NCAM1: variants seen among roughly 807,000 people sequenced by gnomAD.
The protein encoded by NCAM1 is neural cell adhesion molecule 1, also known as antigen recognized by monoclonal antibody 5.1H11.
A neutral mutation model predicts 109.8 loss-of-function variants in NCAM1; 14 were observed. That is an observed-to-expected ratio of 0.13 (90% CI 0.08 to 0.20). The LOEUF is 0.20. Among genes scored for constraint, NCAM1 ranks in the 10% least tolerant of loss-of-function variants. The probability of loss-of-function intolerance (pLI) is 1.00; values close to 1 mark genes in which losing one functional copy is unlikely to be tolerated. For synonymous variants in NCAM1, 418 were observed against 442.9 expected, an observed-to-expected ratio of 0.94 and a Z score of 0.70; for missense variants, 774 against 1,109.9, an observed-to-expected ratio of 0.70 and a Z score of 4.30.
intron 1 of NCAM1, among the ~76,000 whole-genome samples, chr11:112,980,559 G>C (rs1951125954): frequency 6.6e-6 from 1 of 151,818 alleles, no homozygotes; most frequent in Non-Finnish European, 1.5e-5. Flanking sequence ...TTAGTAATGT[G>C]AGCTCCTTAA....
chr11:113,069,153 G>A lies in NCAM1; in HGVS notation c.52+107489G>A, dbSNP rs375651217. 1.1e-4 allele frequency among the ~76,000 whole-genome samples: 17 copies of A among 152,300 alleles called. No homozygotes were observed. In the East Asian group the frequency reaches 3.3e-3, roughly 29 times the overall value. On this transcript the variant is annotated intron_variant, in intron 1 of 19. Coordinates refer to ENST00000316851, the MANE Select transcript of NCAM1 (RefSeq NM_181351.5). The stretch of plus-strand genomic sequence containing the variant: ...ACCTTGTGGAGCTGATCCTGAGTGT[G>A]AATGATCAGAGTACAGTGGAGGGAA...
chr11:113,256,479 C>T (rs1945838086), intron 16 of NCAM1, among the ~76,000 whole-genome samples: 2 of 152,154 alleles, frequency 1.3e-5, no homozygotes, highest in South Asian at 2.1e-4. Context: ...GGGTGTACAG[C>T]AGTCAATAAC....
At chr11:113,062,991 C>G (rs1254720214) in intron 1 of NCAM1, among the ~76,000 whole-genome samples, 1 of 151,964 alleles carries the variant, frequency 6.6e-6, no homozygotes, top group Non-Finnish European at 1.5e-5. Flanking sequence ...GAAACCAGGT[C>G]TGTGAAGAAT....
At chr11:113,010,030 GAA>G (rs5794836) in intron 1 of NCAM1, among the ~76,000 whole-genome samples, 252 of 146,138 alleles carry the variant, frequency 1.7e-3, no homozygotes, top group African/African-American at 5.1e-3. Flanking sequence ...GCTGCATCTT[GAA>G]AAAAAAAAAA....
chr11:113,161,870 C>A (rs981912062), intron 1 of NCAM1, among the ~76,000 whole-genome samples: 70 of 152,238 alleles, frequency 4.6e-4, no homozygotes, highest in African/African-American at 1.7e-3. Context: ...TTCTGCAGAG[C>A]CTTCTATGCC....
chr11:113,097,848 T>TTA (rs1405885314), intron 1 of NCAM1, among the ~76,000 whole-genome samples: 1 of 152,168 alleles, frequency 6.6e-6, no homozygotes, highest in Admixed American at 6.6e-5. Flanking sequence ...AGCTTTTGTG[T>TTA]TAAGTGTATG....
intron 1 of NCAM1, among the ~76,000 whole-genome samples, chr11:113,048,242 A>G (rs569251079): frequency 6.6e-6 from 1 of 152,322 alleles, no homozygotes; most frequent in East Asian, 1.9e-4. Context: ...CTGTTCCAAG[A>G]ATGTTGTTTT....
At chr11:113,184,784 A>G (rs1478327504) in intron 1 of NCAM1, among the ~76,000 whole-genome samples, 9 of 152,002 alleles carry the variant, frequency 5.9e-5, no homozygotes, top group African/African-American at 2.2e-4. Context: ...GAGACCTTCC[A>G]CTTGTGGTGT....
rs542642028 is a variant in NCAM1 at position 113,169,712 on chromosome 11, C to T, written c.53-32667C>T. 4.8e-4 allele frequency among the ~76,000 whole-genome samples: 72 copies of T among 151,510 alleles called. No individual in the cohort carries two copies. In the South Asian group the frequency reaches 6.1e-3, roughly 13 times the overall value. On this transcript the variant is annotated intron_variant, in intron 1 of 19. Coordinates refer to ENST00000316851, the MANE Select transcript of NCAM1 (RefSeq NM_181351.5). ...TTGCGATCTCGGCTCACTGCAACCT[C>T]GGCCTTCCGGGTTCAAGCGATTCTC... is the stretch of plus-strand genomic sequence containing the variant.
At chr11:113,228,743 C>A (rs1231576039) in intron 9 of NCAM1, among the ~76,000 whole-genome samples, 54 of 152,130 alleles carry the variant, frequency 3.5e-4, no homozygotes, top group African/African-American at 1.3e-3. Flanking sequence ...AGATACAGAC[C>A]AATGGAACAG....
intron 1 of NCAM1, among the ~76,000 whole-genome samples, chr11:113,187,591 T>TGTGTG (rs1565487070): frequency 3.7e-5 from 4 of 107,858 alleles, no homozygotes; most frequent in Non-Finnish European, 5.8e-5. Context: ...GTGTGTGTGT[T>TGTGTG]TTGGCATTAA....
chr11:113,051,498 T>C (rs1224811247), intron 1 of NCAM1, among the ~76,000 whole-genome samples: 1 of 150,884 alleles, frequency 6.6e-6, no homozygotes, highest in Non-Finnish European at 1.5e-5. Flanking sequence ...ATAAACAAAA[T>C]AGGAAAATAA....
chr11:113,048,421 C>T (rs1953346187), intron 1 of NCAM1, among the ~76,000 whole-genome samples: 1 of 152,168 alleles, frequency 6.6e-6, no homozygotes, highest in South Asian at 2.1e-4. Flanking sequence ...AATTCGTGCA[C>T]ACTTGCAGAG....
At chr11:113,064,684 A>G (rs1376510408) in intron 1 of NCAM1, among the ~76,000 whole-genome samples, 1 of 152,084 alleles carries the variant, frequency 6.6e-6, no homozygotes, top group African/African-American at 2.4e-5. Context: ...ATATATTTTA[A>G]CCCACTCTTA....
intron 16 of NCAM1, among the ~76,000 whole-genome samples, chr11:113,256,980 A>G (rs888698513): frequency 2.0e-5 from 3 of 152,228 alleles, no homozygotes; most frequent in Admixed American, 2.0e-4. Context: ...TGGAAGTGAT[A>G]GGTCTTTAAC....
In NCAM1 at chr11:113,159,063, T is replaced by C. The variant is rs190591831; in HGVS notation, c.53-43316T>C. On this transcript the variant is annotated intron_variant, in intron 1 of 19. Transcript: ENST00000316851. ...TTGATGCAAGATGAGGGTTTTTAGA[T>C]ACAGTGTAGACCTTTATAGAGTAGT... 2.0e-5 allele frequency among the ~76,000 whole-genome samples: 3 copies of C among 152,334 alleles called. No homozygotes were observed. In the East Asian group the frequency reaches 5.8e-4, roughly 29 times the overall value.
intron 1 of NCAM1, among the ~76,000 whole-genome samples, chr11:113,074,023 T>C (rs1938412864): frequency 6.6e-6 from 1 of 152,200 alleles, no homozygotes; most frequent in Non-Finnish European, 1.5e-5. Flanking sequence ...GCATTTGTAA[T>C]GAAATTTAGA....
In NCAM1 at chr11:113,067,593, A is replaced by G. The variant is rs943074901; in HGVS notation, c.52+105929A>G. 4.6e-5 allele frequency among the ~76,000 whole-genome samples: 7 copies of G among 152,236 alleles called. No homozygotes were observed. The East Asian group carries it at 1.3e-3, about 29-fold the overall frequency. The stretch of plus-strand genomic sequence containing the variant: ...TGTCACCATCGTTATGTCACCTGGC[A>G]TTTGAGATTGTGATGCAACTAGCTC... On this transcript the variant is annotated intron_variant, in intron 1 of 19. Coordinates refer to ENST00000316851, the MANE Select transcript of NCAM1 (RefSeq NM_181351.5).
intron 1 of NCAM1, among the ~76,000 whole-genome samples, chr11:113,104,215 G>A (rs111669681): frequency 8.6e-6 from 1 of 116,442 alleles, no homozygotes; most frequent in Non-Finnish European, 1.8e-5. Flanking sequence ...GGTGGGGGGG[G>A]GGGCGGGGTG....
Sources: gnomAD v4.1 joint callset for allele counts (sites outside exome capture counted in the v4.1 genomes callset) on GRCh38, gnomAD v4.1.1 for gene constraint, MANE v1.5 for transcripts, NCBI Gene and HGNC (gene_info 2026-07-23, HGNC 2026-07-21) for gene names.